The following PRKN variants were observed in gnomAD, a reference collection of about 807,000 sequenced individuals.
PRKN encodes the protein E3 ubiquitin-protein ligase parkin.
In PRKN, 56 loss-of-function variants were observed where a neutral mutation model predicts 59.5. The ratio of observed to expected loss-of-function variants is 0.94; its 90% confidence interval spans 0.76 to 1.18. The LOEUF is 1.18. Ranked by LOEUF, PRKN falls within the 50% of genes most tolerant of loss-of-function variation. The pLI, the probability that PRKN is intolerant of heterozygous loss-of-function variation, is 0.00. For synonymous variants in PRKN, 250 were observed against 222.1 expected (o/e 1.13, Z -1.12); for missense variants, 657 against 596.4 (o/e 1.10, Z -1.06).
At chr6:162,352,331 T>C (rs999757226) in intron 2 of PRKN, among the ~76,000 whole-genome samples, 1 of 152,078 alleles carries the variant, frequency 6.6e-6, no homozygotes, top group Non-Finnish European at 1.5e-5. Flanking sequence ...AAGAACAAGG[T>C]GAGTCAAACC....
intron 5 of PRKN, among the ~76,000 whole-genome samples, chr6:162,000,689 T>C (rs748083363): frequency 2.2e-4 from 33 of 152,062 alleles, no homozygotes; most frequent in Non-Finnish European, 3.7e-4. Flanking sequence ...CTTTCATGGA[T>C]TATGCACTTG....
chr6:162,340,247 T>G (rs1202197574), intron 2 of PRKN, among the ~76,000 whole-genome samples: 2 of 152,194 alleles, frequency 1.3e-5, no homozygotes, highest in African/African-American at 4.8e-5. Flanking sequence ...TCCCAATTAC[T>G]CAGTTTCTCT....
chr6:162,409,944 A>G (rs201085287), intron 2 of PRKN, among the ~76,000 whole-genome samples: 2 of 152,342 alleles, frequency 1.3e-5, no homozygotes, highest in East Asian at 1.9e-4. Flanking sequence ...TTAAAAGGGA[A>G]GAAATAAGAT....
intron 9 of PRKN, among the ~76,000 whole-genome samples, chr6:161,490,784 T>G (rs4709532): frequency 2.0e-5 from 3 of 151,900 alleles, no homozygotes; most frequent in African/African-American, 7.3e-5. Flanking sequence ...TTGACTGGAT[T>G]GTGGGGGTGG....
At chr6:162,361,583 T>C (rs1785143409) in intron 2 of PRKN, among the ~76,000 whole-genome samples, 1 of 152,120 alleles carries the variant, frequency 6.6e-6, no homozygotes. Context: ...TCTTTTATAG[T>C]AGCTGGAGCA....
At position 161,551,590 on chromosome 6, in the gene PRKN, C is replaced by T. The variant is rs1269516403; in HGVS notation, c.934-2587G>A. Among the ~76,000 whole-genome samples the T allele has an allele frequency of 6.6e-6, 1 of 152,136 alleles. No individual in the cohort carries two copies. The highest frequency in any genetic ancestry group is 1.5e-5 in the Non-Finnish European group (1 of 68,036). On this transcript the variant is annotated intron_variant, in intron 8 of 11. Transcript: ENST00000366898. This position sits in a 1 kb window ranked among gnomAD's most constrained non-coding sequence, Gnocchi z 5.2. ...TGGTTGGAGCTGGGTGTGTGGCTGC[C>T]ATTGCGGTCTTGAAAAGTCATTTCA...
At chr6:162,017,972 C>T (rs1310342125) in intron 5 of PRKN, among the ~76,000 whole-genome samples, 1 of 152,100 alleles carries the variant, frequency 6.6e-6, no homozygotes, top group Non-Finnish European at 1.5e-5. Flanking sequence ...CACCATGACC[C>T]TGCGGGAAAG....
At chr6:162,671,101 T>C (rs1408334690) in intron 1 of PRKN, among the ~76,000 whole-genome samples, 3 of 152,188 alleles carry the variant, frequency 2.0e-5, no homozygotes, top group East Asian at 1.9e-4. Flanking sequence ...TCAAGCTCTA[T>C]ATGTAACACC....
intron 9 of PRKN, among the ~76,000 whole-genome samples, chr6:161,517,697 G>A (rs570739830): frequency 1.2e-4 from 15 of 125,042 alleles, no homozygotes; most frequent in African/African-American, 4.6e-4. Flanking sequence ...CCGAGATCGC[G>A]TCACTGCACT....
intron 2 of PRKN, among the ~76,000 whole-genome samples, chr6:162,437,896 A>G (rs1289063321): frequency 6.6e-6 from 1 of 152,222 alleles, no homozygotes; most frequent in African/African-American, 2.4e-5. Flanking sequence ...ACATTCATAT[A>G]CAGATTTGTG....
intron 4 of PRKN, among the ~76,000 whole-genome samples, chr6:162,151,465 T>C (rs1782267747): frequency 1.3e-5 from 2 of 152,210 alleles, no homozygotes; most frequent in South Asian, 4.1e-4. Context: ...AAATAGCTTG[T>C]GGTTGAAGCT....
At chr6:161,656,301 G>A (rs193070866) in intron 7 of PRKN, among the ~76,000 whole-genome samples, 2 of 152,142 alleles carry the variant, frequency 1.3e-5, no homozygotes, top group South Asian at 2.1e-4. Context: ...CCATCCATCC[G>A]CGCCTCTCAC....
chr6:162,348,017 T>G (rs112585518), intron 2 of PRKN, among the ~76,000 whole-genome samples: 1 of 152,154 alleles, frequency 6.6e-6, no homozygotes, highest in Non-Finnish European at 1.5e-5. Context: ...AAAATATTGG[T>G]GAGAGGTGCT....
Position 161,407,087 on chromosome 6 carries a change from A to G in PRKN, c.1084-20210T>C, listed in dbSNP as rs1190850460. On this transcript the variant is annotated intron_variant, in intron 9 of 11. Transcript: ENST00000366898. This position sits in a 1 kb window ranked among gnomAD's most constrained non-coding sequence, Gnocchi z 4.9. Reference sequence around the variant, plus strand: ...AAGATCACCAAATTATATTTACATAAAAGCCTCTATAATGAGTATGCTATA... The same window carrying G: ...AAGATCACCAAATTATATTTACATAGAAGCCTCTATAATGAGTATGCTATA... Among the ~76,000 whole-genome samples the G allele has an allele frequency of 6.6e-6, 1 of 152,214 alleles. No individual in the cohort carries two copies. Among genetic ancestry groups the G allele is most frequent in the Non-Finnish European group, 1.5e-5 (1 of 68,036 alleles).
intron 7 of PRKN, among the ~76,000 whole-genome samples, chr6:161,685,629 C>T (rs1249291023): frequency 3.9e-5 from 6 of 152,142 alleles, no homozygotes; most frequent in African/African-American, 7.2e-5. Context: ...TTGTGCAGCC[C>T]GGTTCCTAAC....
At chr6:162,206,495 C>G (rs1262909168) in intron 3 of PRKN, among the ~76,000 whole-genome samples, 2 of 152,194 alleles carry the variant, frequency 1.3e-5, no homozygotes, top group Middle Eastern at 3.2e-3. Context: ...CTCCTTCCCT[C>G]TTTCCTCCTT....
intron 5 of PRKN, among the ~76,000 whole-genome samples, chr6:162,005,720 T>G (rs1208061202): frequency 2.0e-5 from 3 of 152,126 alleles, no homozygotes; most frequent in Admixed American, 2.0e-4. Flanking sequence ...AGCTTTAAAG[T>G]AGTTGAGATA....
intron 2 of PRKN, among the ~76,000 whole-genome samples, chr6:162,396,181 G>C (rs1432452842): frequency 6.6e-6 from 1 of 152,168 alleles, no homozygotes; most frequent in Non-Finnish European, 1.5e-5. Context: ...CATTTTGTTT[G>C]TATATGTACT....
intron 4 of PRKN, among the ~76,000 whole-genome samples, chr6:162,170,567 TA>T (rs1783225922): frequency 6.6e-6 from 1 of 152,200 alleles, no homozygotes; most frequent in South Asian, 2.1e-4. Flanking sequence ...TGGAAAGCAT[TA>T]AAAGTATAAC....
Sources: allele counts gnomAD v4.1 joint callset (sites outside exome capture counted in the v4.1 genomes callset), GRCh38; gene constraint gnomAD v4.1.1; non-coding constraint Gnocchi (gnomAD v3.1); transcripts MANE v1.5; gene names NCBI Gene and HGNC (gene_info 2026-07-23, HGNC 2026-07-21).